TMEM150C: variants seen among roughly 807,000 people sequenced by gnomAD.
TMEM150C encodes the protein transmembrane protein 150C.
A neutral mutation model predicts 29.9 loss-of-function variants in TMEM150C; 10 were observed. The observed-to-expected ratio is 0.33, with a 90% CI of 0.21 to 0.57. The LOEUF is 0.57. Among genes scored for constraint, TMEM150C ranks in the 20% least tolerant of loss-of-function variants. The pLI is 0.88. For missense variants in TMEM150C, 251 were observed against 303.6 expected, an observed-to-expected ratio of 0.83 and a Z score of 1.29; for synonymous variants, 101 against 112.5, an observed-to-expected ratio of 0.90 and a Z score of 0.64.
chr4:82,529,867 AAATT>A (rs567801889), intron 1 of TMEM150C, among the ~76,000 whole-genome samples: 34 of 152,308 alleles, frequency 2.2e-4, no homozygotes, highest in Admixed American at 1.3e-3. Flanking sequence ...ACCTACCTAA[AAATT>A]AAGAGAGAAA....
chr4:82,527,789 A>G (rs1724702617), intron 1 of TMEM150C, among the ~76,000 whole-genome samples: 1 of 152,160 alleles, frequency 6.6e-6, no homozygotes, highest in South Asian at 2.1e-4. Context: ...TGTATACATC[A>G]TGGTTTTGCT....
intron 1 of TMEM150C, among the ~76,000 whole-genome samples, chr4:82,521,007 C>T (rs116057153): frequency 0.017 from 2,650 of 152,264 alleles, 72 homozygotes; most frequent in African/African-American, 0.06. Flanking sequence ...ATTACTTGAA[C>T]GCATCAGACA....
intron 1 of TMEM150C, among the ~76,000 whole-genome samples, chr4:82,553,412 G>A (rs960139038): frequency 4.6e-5 from 7 of 152,182 alleles, no homozygotes; most frequent in African/African-American, 1.2e-4. Context: ...CAAACAATAT[G>A]TTGAGAACTA....
chr4:82,499,719 CAAAAAAA>C (rs1197264258), intron 5 of TMEM150C, among the ~76,000 whole-genome samples: 3 of 40,290 alleles, frequency 7.4e-5, no homozygotes, highest in South Asian at 1.5e-3. Context: ...ACTCCGTCTC[CAAAAAAA>C]AAAAAAAAAA....
In TMEM150C at chr4:82,536,865, A is replaced by G. The variant is rs147125753; in HGVS notation, c.-11+25041T>C. Among the ~76,000 whole-genome samples the G allele has an allele frequency of 4.7e-3, 722 of 152,360 alleles. 12 individuals are homozygous for G. The highest frequency in any genetic ancestry group is 0.016 in the African/African-American group (683 of 41,596). On this transcript the variant is annotated intron_variant, in intron 1 of 7. Transcript: ENST00000449862. Reference sequence around the variant, plus strand: ...ATATATAATGTTAGTATCTATAAGAAGAGCACTAATGCATCAAAAGAAAAA... The same window carrying G: ...ATATATAATGTTAGTATCTATAAGAGGAGCACTAATGCATCAAAAGAAAAA...
At chr4:82,496,022 G>T in intron 6 of TMEM150C, 46 bp downstream of exon 6, 1 of 1,612,006 alleles carries the variant, frequency 6.2e-7, no homozygotes, top group Non-Finnish European at 8.5e-7. Context: ...CAGAAGTGAA[G>T]GTCTTACCAG....
intron 1 of TMEM150C, among the ~76,000 whole-genome samples, chr4:82,511,140 T>G (rs902216683): frequency 1.3e-5 from 2 of 152,210 alleles, no homozygotes; most frequent in African/African-American, 4.8e-5. Context: ...CTGGTGTCAC[T>G]TTAAGAGTAT....
chr4:82,506,649 T>C (rs1723931556), intron 1 of TMEM150C, among the ~76,000 whole-genome samples: 1 of 152,238 alleles, frequency 6.6e-6, no homozygotes, highest in Non-Finnish European at 1.5e-5. Flanking sequence ...AGCTATTGTA[T>C]GAACTAGTGG....
At chr4:82,517,318 C>T (rs1023629362) in intron 1 of TMEM150C, among the ~76,000 whole-genome samples, 9 of 152,146 alleles carry the variant, frequency 5.9e-5, no homozygotes, top group Admixed American at 5.2e-4. Flanking sequence ...AGGAAGATCA[C>T]TGTAATGGTT....
chr4:82,540,695 C>G (rs946272106), intron 1 of TMEM150C, among the ~76,000 whole-genome samples: 48 of 151,948 alleles, frequency 3.2e-4, no homozygotes, highest in Non-Finnish European at 6.3e-4. Flanking sequence ...TTGTTGTGTG[C>G]TATTTTTTAA....
chr4:82,487,164 A>G (rs971819170), intron 7 of TMEM150C, among the ~76,000 whole-genome samples: 1 of 152,044 alleles, frequency 6.6e-6, no homozygotes, highest in Non-Finnish European at 1.5e-5. Context: ...AAAACTTGGG[A>G]TAGGCTGGAC....
chr4:82,496,334 A>G (rs2110065970), intron 5 of TMEM150C, 139 bp from the exon 6 acceptor site: 2 of 814,186 alleles, frequency 2.5e-6, no homozygotes, highest in Middle Eastern at 3.3e-4. Context: ...CGCAATGTGC[A>G]AAATTAAACT....
At chr4:82,496,299 T>C in intron 5 of TMEM150C, 104 bp from the exon 6 acceptor site, 5 of 1,181,768 alleles carry the variant, frequency 4.2e-6, no homozygotes, top group Non-Finnish European at 5.9e-6. Flanking sequence ...ACTATTTTCT[T>C]AGGTAAGAGG....
At chr4:82,487,775 G>A (rs183945550) in intron 7 of TMEM150C, among the ~76,000 whole-genome samples, 1 of 152,204 alleles carries the variant, frequency 6.6e-6, no homozygotes, top group Non-Finnish European at 1.5e-5. Flanking sequence ...CCACTAACTA[G>A]AGAATGGGCT....
At chr4:82,522,926 G>C (rs1260864725) in intron 1 of TMEM150C, among the ~76,000 whole-genome samples, 1 of 152,170 alleles carries the variant, frequency 6.6e-6, no homozygotes, top group Non-Finnish European at 1.5e-5. Flanking sequence ...CATGGAGAAT[G>C]ATCAGGTATT....
chr4:82,486,103 A>C (rs1723150230), intron 7 of TMEM150C, among the ~76,000 whole-genome samples: 1 of 152,130 alleles, frequency 6.6e-6, no homozygotes, highest in South Asian at 2.1e-4. Flanking sequence ...GAGGTCACAC[A>C]GGTATTAATT....
At chr4:82,495,901 C>T (rs1220111432) in intron 6 of TMEM150C, 167 bp downstream of exon 6, 5 of 785,986 alleles carry the variant, frequency 6.4e-6, no homozygotes, top group Non-Finnish European at 8.0e-6. Flanking sequence ...CATCTTGAAG[C>T]AGCTGAACAG....
At chr4:82,554,741 G>A (rs746917462) in intron 1 of TMEM150C, among the ~76,000 whole-genome samples, 1 of 152,070 alleles carries the variant, frequency 6.6e-6, no homozygotes, top group South Asian at 2.1e-4. Context: ...TTTAAAGTAT[G>A]GGCTAATTTC....
intron 1 of TMEM150C, among the ~76,000 whole-genome samples, chr4:82,533,953 C>T (rs72895785): frequency 0.11 from 16,321 of 152,164 alleles, 978 homozygotes; most frequent in Middle Eastern, 0.23. Flanking sequence ...AGTTACAGAT[C>T]CAAAACCAAA....
Sources: allele counts gnomAD v4.1 joint callset (sites outside exome capture counted in the v4.1 genomes callset), GRCh38; gene constraint gnomAD v4.1.1; transcripts MANE v1.5; gene names NCBI Gene and HGNC (gene_info 2026-07-23, HGNC 2026-07-21).